SIPA1L1: variants seen among roughly 807,000 people sequenced by gnomAD.
The protein encoded by SIPA1L1 is signal-induced proliferation-associated 1-like protein 1.
Under a neutral mutation model 162.7 loss-of-function variants are expected in SIPA1L1, and 26 were observed. The observed-to-expected ratio is 0.16, with a 90% CI of 0.12 to 0.22. The LOEUF is 0.22. Among genes scored for constraint, SIPA1L1 ranks in the 10% least tolerant of loss-of-function variants. SIPA1L1 has a pLI of 1.00. For missense variants in SIPA1L1, 1,874 were observed against 2,241.0 expected, an observed-to-expected ratio of 0.84 and a Z score of 3.31; for synonymous variants, 829 against 837.4, an observed-to-expected ratio of 0.99 and a Z score of 0.17.
At chr14:71,374,131 C>T (rs1383523551) in intron 2 of SIPA1L1, among the ~76,000 whole-genome samples, 3 of 152,036 alleles carry the variant, frequency 2.0e-5, no homozygotes, top group Non-Finnish European at 4.4e-5. Context: ...TTAGAAGATC[C>T]CATGGGCATA....
chr14:71,539,340 C>T (rs1440370911), intron 4 of SIPA1L1, among the ~76,000 whole-genome samples: 1 of 152,216 alleles, frequency 6.6e-6, no homozygotes, highest in African/African-American at 2.4e-5. Flanking sequence ...ACTACATGAT[C>T]TCCATTGGTG....
chr14:71,355,966 T>G (rs2140740660), intron 2 of SIPA1L1, among the ~76,000 whole-genome samples: 1 of 152,292 alleles, frequency 6.6e-6, no homozygotes, highest in South Asian at 2.1e-4. Flanking sequence ...GTTTAGCAGA[T>G]TGGGCAGGCT....
chr14:71,463,903 ATTGTGG>A (rs2046793802), intron 2 of SIPA1L1, among the ~76,000 whole-genome samples: 1 of 152,182 alleles, frequency 6.6e-6, no homozygotes, highest in South Asian at 2.1e-4. Flanking sequence ...TCTGCTGCCC[ATTGTGG>A]TAGCTATGCC....
chr14:71,674,783 C>G (rs1474490180), intron 12 of SIPA1L1, among the ~76,000 whole-genome samples: 1 of 151,602 alleles, frequency 6.6e-6, no homozygotes, highest in Non-Finnish European at 1.5e-5. Context: ...CCGGGATGGT[C>G]TCGATCTCCT....
chr14:71,398,917 A>G (rs1314745145), intron 2 of SIPA1L1, among the ~76,000 whole-genome samples: 1 of 152,232 alleles, frequency 6.6e-6, no homozygotes, highest in Non-Finnish European at 1.5e-5. Context: ...AGAACCTTAT[A>G]CCCAATAGAT....
At chr14:71,353,652 G>A (rs2036937374) in intron 2 of SIPA1L1, among the ~76,000 whole-genome samples, 1 of 152,158 alleles carries the variant, frequency 6.6e-6, no homozygotes, top group African/African-American at 2.4e-5. Context: ...GTCTGAGGGA[G>A]TGATTATGGT....
chr14:71,607,325 G>C (rs1006654631), intron 5 of SIPA1L1, among the ~76,000 whole-genome samples: 5 of 151,272 alleles, frequency 3.3e-5, no homozygotes, highest in African/African-American at 1.2e-4. Flanking sequence ...CTCTTTTAAC[G>C]TTTTTGCAAC....
At chr14:71,360,158 A>G (rs1436772547) in intron 2 of SIPA1L1, among the ~76,000 whole-genome samples, 2 of 152,242 alleles carry the variant, frequency 1.3e-5, no homozygotes, top group Non-Finnish European at 2.9e-5. Context: ...AAGCGATAAC[A>G]TTTAATGAAG....
intron 2 of SIPA1L1, among the ~76,000 whole-genome samples, chr14:71,344,508 C>G (rs561465113): frequency 1.3e-5 from 2 of 152,172 alleles, no homozygotes; most frequent in East Asian, 1.9e-4. Flanking sequence ...GGGCTTCTTA[C>G]AAGCCCTCCC....
intron 10 of SIPA1L1, among the ~76,000 whole-genome samples, chr14:71,670,662 G>A (rs2044424187): frequency 6.6e-6 from 1 of 152,100 alleles, no homozygotes. Flanking sequence ...AATGTAAGCT[G>A]TCTGCTTATA....
chr14:71,443,207 A>G (rs1390549061), intron 2 of SIPA1L1, among the ~76,000 whole-genome samples: 4 of 152,092 alleles, frequency 2.6e-5, no homozygotes, highest in Non-Finnish European at 5.9e-5. Flanking sequence ...GTCTGAAAAT[A>G]TTTAGCCTTT....
At chr14:71,450,416 C>T (rs1407725587) in intron 2 of SIPA1L1, among the ~76,000 whole-genome samples, 2 of 152,162 alleles carry the variant, frequency 1.3e-5, no homozygotes, top group African/African-American at 4.8e-5. Context: ...AACAAAACTT[C>T]ACAGAAATGA....
intron 7 of SIPA1L1, among the ~76,000 whole-genome samples, chr14:71,633,642 A>G (rs1472749779): frequency 1.3e-5 from 2 of 152,224 alleles, no homozygotes; most frequent in African/African-American, 4.8e-5. Context: ...TTAGCAGTCT[A>G]CCAAAAATTA....
intron 5 of SIPA1L1, among the ~76,000 whole-genome samples, chr14:71,606,456 G>A (rs1302899911): frequency 3.3e-5 from 5 of 152,152 alleles, no homozygotes; most frequent in Non-Finnish European, 7.4e-5. Context: ...AGGGCAGGGT[G>A]CAGTCTTTTT....
intron 12 of SIPA1L1, among the ~76,000 whole-genome samples, chr14:71,675,127 G>T (rs2045001639): frequency 6.6e-6 from 1 of 152,220 alleles, no homozygotes; most frequent in African/African-American, 2.4e-5. Flanking sequence ...AGCTACCGAT[G>T]TGATGTCACT....
chr14:71,388,212 T>C (rs1336014706), intron 2 of SIPA1L1, among the ~76,000 whole-genome samples: 1 of 152,258 alleles, frequency 6.6e-6, no homozygotes, highest in Non-Finnish European at 1.5e-5. Flanking sequence ...CATTTTAGGA[T>C]AATGTACCAC....
intron 10 of SIPA1L1, among the ~76,000 whole-genome samples, chr14:71,662,033 A>C (rs974737055): frequency 5.3e-5 from 8 of 152,226 alleles, no homozygotes; most frequent in African/African-American, 1.9e-4. Context: ...TAAGAATACT[A>C]GAGTTAGGAG....
intron 5 of SIPA1L1, among the ~76,000 whole-genome samples, chr14:71,599,381 A>G (rs1041317487): frequency 4.7e-5 from 7 of 150,470 alleles, no homozygotes; most frequent in Admixed American, 6.6e-5. Context: ...ACATGATCCA[A>G]CCTCAAGTGA....
At chr14:71,478,261 T>C (rs1790398799) in intron 2 of SIPA1L1, among the ~76,000 whole-genome samples, 1 of 152,222 alleles carries the variant, frequency 6.6e-6, no homozygotes, top group African/African-American at 2.4e-5. Context: ...TTTTTATGTA[T>C]TCTGGATACA....
Sources: gnomAD v4.1 joint callset for allele counts (sites outside exome capture counted in the v4.1 genomes callset) on GRCh38, gnomAD v4.1.1 for gene constraint, MANE v1.5 for transcripts, NCBI Gene and HGNC (gene_info 2026-07-23, HGNC 2026-07-21) for gene names.